Variants in INVS observed in about 807,000 individuals in gnomAD.
INVS encodes the protein inversion of embryo turning homolog.
Under a neutral mutation model 108.8 loss-of-function variants are expected in INVS, and 86 were observed. The ratio of observed to expected loss-of-function variants is 0.79; its 90% confidence interval spans 0.66 to 0.95. INVS has a LOEUF of 0.95. Ranked by LOEUF, INVS falls within the 40% of genes least tolerant of loss-of-function variation. The probability of loss-of-function intolerance (pLI) is 0.00; values close to 1 mark genes in which losing one functional copy is unlikely to be tolerated. For synonymous variants in INVS, 455 were observed against 473.5 expected (o/e 0.96, Z 0.51); for missense variants, 1,169 against 1,297.4 (o/e 0.90, Z 1.52).
At chr9:100,282,604 G>C (rs578095145) in intron 12 of INVS, among the ~76,000 whole-genome samples, 1 of 152,170 alleles carries the variant, frequency 6.6e-6, no homozygotes, top group African/African-American at 2.4e-5. Context: ...TTCAAATGCC[G>C]TAGTCCATAG....
At chr9:100,193,168 T>A (rs957694640) in intron 3 of INVS, among the ~76,000 whole-genome samples, 3 of 152,014 alleles carry the variant, frequency 2.0e-5, no homozygotes, top group Non-Finnish European at 4.4e-5. Flanking sequence ...TTTGTAGAGA[T>A]GGGGTGTCGC....
At chr9:100,269,613 G>C (rs1448421138) in intron 11 of INVS, among the ~76,000 whole-genome samples, 1 of 152,116 alleles carries the variant, frequency 6.6e-6, no homozygotes, top group Non-Finnish European at 1.5e-5. Context: ...GTGACTGTTA[G>C]GTAAGTTTTG....
At chr9:100,140,556 A>G (rs922229922) in intron 3 of INVS, among the ~76,000 whole-genome samples, 3 of 152,096 alleles carry the variant, frequency 2.0e-5, no homozygotes, top group African/African-American at 7.2e-5. Context: ...GTCACAGGAG[A>G]TATGATGGCT....
At chr9:100,142,848 G>GT (rs1409774289) in intron 3 of INVS, among the ~76,000 whole-genome samples, 1 of 152,158 alleles carries the variant, frequency 6.6e-6, no homozygotes, top group African/African-American at 2.4e-5. Flanking sequence ...ATAGGACGTG[G>GT]TCCCAGCTCT....
Position 100,292,334 on chromosome 9 carries a change from A to G in INVS, c.2077A>G (p.Arg693Gly). The change falls in exon 14 of 17, where the codon AGA (arginine) becomes GGA (glycine). Residue 693 changes from arginine (R) to glycine (G), a missense_variant. Physicochemically the swap from Arg to Gly is moderately radical, Grantham distance 125. Coordinates refer to ENST00000262457, the MANE Select transcript of INVS (RefSeq NM_014425.5). ...TNSRRPNETA[R>G]EHSKGQSACV... ...TTCTTTGTTTCCTCAAGAAACAGCC[A>G]GAGAACATTCTAAAGGCCAATCTGC... 3 of 1,613,780 alleles carry G rather than the reference A, an allele frequency of 1.9e-6. No homozygotes were observed. The highest frequency in any genetic ancestry group is 2.5e-6 in the Non-Finnish European group (3 of 1,179,632).
chr9:100,229,571 A>T lies in INVS; in HGVS notation c.448-89A>T. The T allele has an allele frequency of 5.9e-6, 7 of 1,188,960 alleles. No homozygotes were observed. In the South Asian group the frequency reaches 8.9e-5, roughly 15 times the overall value. 73.7% of individuals were successfully genotyped at this position (1,188,960 alleles called of 1,614,324 possible). ...AAGATACAGGGCAACTACTGTATAA[A>T]ACTCTTATAACAGTGCCTGTCCCAC... On this transcript the variant is annotated intron_variant, in intron 4 of 16. Transcript: ENST00000262457.
chr9:100,270,679 C>A lies in INVS; in HGVS notation c.1572-2185C>A, dbSNP rs528153282. ...GGGAGAATTGCTTGAACCTGGGAGG[C>A]GGAGATTGCAGTGAGCTGAGATCGC... On this transcript the variant is annotated intron_variant, in intron 11 of 16. Transcript: ENST00000262457. Among the ~76,000 whole-genome samples, 195 of 142,134 alleles carry A rather than the reference C, an allele frequency of 1.4e-3. 2 individuals are homozygous for A. Among genetic ancestry groups the A allele is most frequent in the African/African-American group, 4.9e-3 (185 of 37,604 alleles). 93.2% of individuals were successfully genotyped at this position (142,134 alleles called of 152,430 possible). A position where few individuals can be genotyped will look rare whatever the true frequency, so the allele number is the denominator to read the frequency against.
In INVS at chr9:100,302,114, A is replaced by T; in HGVS notation, c.*1440A>T. 1.2e-6 allele frequency: 1 copy of T among 841,886 alleles called. No homozygotes were observed. The highest frequency in any genetic ancestry group is 1.8e-6 in the Non-Finnish European group (1 of 554,348). 52.2% of individuals were successfully genotyped at this position (841,886 alleles called of 1,614,324 possible). A position where few individuals can be genotyped will look rare whatever the true frequency, so the allele number is the denominator to read the frequency against. On this transcript the variant is annotated 3_prime_UTR_variant, in exon 17 of 17. Coordinates refer to ENST00000262457, the MANE Select transcript of INVS (RefSeq NM_014425.5). ...TAAAAGTTCAGCTTTAATGACAAAG[A>T]TCTATTACATCAGTCTTTTTCTTCA...
chr9:100,120,851 C>T (rs1049963508), intron 2 of INVS: 15 of 152,246 alleles, frequency 9.9e-5, no homozygotes, highest in Admixed American at 8.5e-4. Flanking sequence ...CTTTGGTGAG[C>T]ATTTGTGAAG....
At chr9:100,255,177 A>C (rs1227189965) in intron 10 of INVS, among the ~76,000 whole-genome samples, 4 of 152,080 alleles carry the variant, frequency 2.6e-5, no homozygotes, top group African/African-American at 9.7e-5. Flanking sequence ...CTCTTTGAAG[A>C]CATTGCGAAT....
chr9:100,138,281 C>CT (rs1240778426), intron 3 of INVS, among the ~76,000 whole-genome samples: 1 of 152,024 alleles, frequency 6.6e-6, no homozygotes, highest in Non-Finnish European at 1.5e-5. Context: ...TGGCACGTGC[C>CT]TATAATCCCA....
At chr9:100,163,032 T>G (rs1264081959) in intron 3 of INVS, among the ~76,000 whole-genome samples, 1 of 152,064 alleles carries the variant, frequency 6.6e-6, no homozygotes, top group Non-Finnish European at 1.5e-5. Context: ...CCTAACTACT[T>G]TCAAAAGCAA....
At chr9:100,121,280 T>C (rs1490702421) in intron 2 of INVS, among the ~76,000 whole-genome samples, 2 of 152,142 alleles carry the variant, frequency 1.3e-5, no homozygotes, top group African/African-American at 4.8e-5. Flanking sequence ...CAAAATCCCT[T>C]CATATTTGCC....
At chr9:100,296,430 C>T (rs148402025) in intron 14 of INVS, among the ~76,000 whole-genome samples, 5 of 152,320 alleles carry the variant, frequency 3.3e-5, no homozygotes, top group Non-Finnish European at 7.4e-5. Context: ...ACAGTGCTTC[C>T]ACATTGTGTT....
chr9:100,170,082 A>T (rs1252484484), intron 3 of INVS, among the ~76,000 whole-genome samples: 1 of 152,228 alleles, frequency 6.6e-6, no homozygotes, highest in Non-Finnish European at 1.5e-5. Context: ...CTGACTAAGA[A>T]TTTAGAATTA....
intron 11 of INVS, among the ~76,000 whole-genome samples, chr9:100,272,087 C>T (rs557962640): frequency 1.5e-4 from 23 of 151,610 alleles, no homozygotes; most frequent in Non-Finnish European, 3.1e-4. Flanking sequence ...TAGGCTGTCT[C>T]GAACTCCTAA....
Position 100,272,090 on chromosome 9 carries a change from A to G in INVS, c.1572-774A>G, listed in dbSNP as rs373167565. On this transcript the variant is annotated intron_variant, in intron 11 of 16. Coordinates refer to ENST00000262457, the MANE Select transcript of INVS (RefSeq NM_014425.5). ...CACCTTGTTGGCTAGGCTGTCTCGA[A>G]CTCCTAACCTCAAGTGATCTGCCCA... Among the ~76,000 whole-genome samples, 210 of 151,464 alleles carry G rather than the reference A, an allele frequency of 1.4e-3. 5 individuals are homozygous for G. In the South Asian group the frequency reaches 0.042, roughly 30 times the overall value.
Position 100,203,774 on chromosome 9 carries a change from C to T in INVS, c.274-22288C>T, listed in dbSNP as rs116108449. On this transcript the variant is annotated intron_variant, in intron 3 of 16. Coordinates refer to ENST00000262457, the MANE Select transcript of INVS (RefSeq NM_014425.5). Reference sequence around the variant, plus strand: ...CGCCTCAGCCTCCCAAAGTGCTGGGCACGCCCAGCCCCAAATCTTCTTTCT... The same window carrying T: ...CGCCTCAGCCTCCCAAAGTGCTGGGTACGCCCAGCCCCAAATCTTCTTTCT... Among the ~76,000 whole-genome samples the T allele has an allele frequency of 4.4e-3, 672 of 151,994 alleles. 7 individuals carry two copies. The highest frequency in any genetic ancestry group is 0.015 in the African/African-American group (639 of 41,502).
chr9:100,257,072 G>A (rs1003032005), intron 10 of INVS, among the ~76,000 whole-genome samples: 6 of 152,164 alleles, frequency 3.9e-5, no homozygotes, highest in Admixed American at 2.0e-4. Context: ...CTAAGAACTT[G>A]CTTTATGAAT....
Sources: allele counts gnomAD v4.1 joint callset (sites outside exome capture counted in the v4.1 genomes callset), GRCh38; gene constraint gnomAD v4.1.1; transcripts MANE v1.5; gene names NCBI Gene and HGNC (gene_info 2026-07-23, HGNC 2026-07-21).